Variants in PPL observed in about 807,000 individuals in gnomAD.
PPL encodes periplakin, also known as 190 kDa paraneoplastic pemphigus antigen.
PPL carries 198 observed loss-of-function variants against 194.4 expected under a neutral mutation model. The ratio of observed to expected loss-of-function variants is 1.02; its 90% CI spans 0.91 to 1.15. PPL has a LOEUF of 1.15. PPL is among the 50% of genes most tolerant of loss of function. The pLI, the probability that PPL is intolerant of heterozygous loss-of-function variation, is 0.00. For missense variants in PPL, 2,885 were observed against 2,294.8 expected (o/e 1.26, Z -5.25); for synonymous variants, 1,220 against 972.4 (o/e 1.25, Z -4.74).
chr16:4,890,813 G>T lies in PPL; in HGVS notation c.2077C>A (p.His693Asn). 1 of 1,594,052 alleles carries T rather than the reference G, an allele frequency of 6.3e-7. No homozygotes were observed. The highest frequency in any genetic ancestry group is 8.5e-7 in the Non-Finnish European group (1 of 1,170,568). Residue 693 changes from histidine to asparagine, a missense_variant, in exon 17 of 22, where the codon CAC becomes AAC. His to Asn is a moderately conservative substitution (Grantham distance 68, BLOSUM62 1). Transcript: ENST00000345988. ...TCCTGGCGCTCCAGGTCCGGACAGT[G>T]CTCCTGGAAGCGGCTGGCCAGTGTG... ...SSTLASRFQE[H>N]CPDLERQEAE...
rs2142316547 is a variant in PPL at position 4,883,086 on chromosome 16, A to G, written c.*298T>C. On this transcript the variant is annotated 3_prime_UTR_variant, in exon 22 of 22. Transcript: ENST00000345988. The surrounding 1 kb of genome is among the most constrained non-coding windows in gnomAD (Gnocchi z 4.8). ...AGTGGTTTTCAGATTGTGTGCAGTT[A>G]TCATGAGGAGTTTGTTGCTGGGAGT... 1 of 377,652 alleles carries G rather than the reference A, an allele frequency of 2.6e-6. No individual in the cohort carries two copies. Among genetic ancestry groups the G allele is most frequent in the Non-Finnish European group, 4.9e-6 (1 of 203,212 alleles). The allele number at this position is 377,652 out of a possible 1,614,324, so 23.4% of individuals were successfully genotyped here. A position where few individuals can be genotyped will look rare whatever the true frequency, so the allele number is the denominator to read the frequency against.
At chr16:4,895,215 C>A in intron 11 of PPL, 46 bp downstream of exon 11, 1 of 1,540,350 alleles carries the variant, frequency 6.5e-7, no homozygotes, top group South Asian at 1.2e-5. Context: ...CCATGTTACC[C>A]CAAAAACTTT....
rs144840652 is a variant in PPL at position 4,884,541 on chromosome 16, C to A, written c.4114G>T (p.Ala1372Ser). 6.1e-5 allele frequency: 99 copies of A among 1,613,186 alleles called. No homozygotes were observed. In the African/African-American group the frequency reaches 1.2e-3, roughly 19 times the overall value. Residue 1372 changes from alanine (A) to serine (S), a missense_variant, in exon 22 of 22, where the codon GCC becomes TCC. Physicochemically the swap from Ala to Ser is moderately conservative, Grantham distance 99. Transcript: ENST00000345988. The surrounding 1 kb of genome is among the most constrained non-coding windows in gnomAD (Gnocchi z 5.7). ...PGLRAEASAF[A>S]ESIDVELRQI... ...CGCAGCTCCACATCGATGCTCTCGG[C>A]AAAGGCGCTCGCCTCGGCCCGCAGG...
In PPL at chr16:4,895,266, C is replaced by T; in HGVS notation, c.1237G>A (p.Glu413Lys). 31 of 1,602,466 alleles carry T rather than the reference C, an allele frequency of 1.9e-5. No individual in the cohort carries two copies. Among genetic ancestry groups the T allele is most frequent in the Non-Finnish European group, 2.6e-5 (31 of 1,173,720 alleles). ...PVEALCDFEGEQGLISRGYSY... is the reference protein window; with the variant it reads ...PVEALCDFEGKQGLISRGYSY... ...GAGGAGCTGGCCCCACGCACCTGCT[C>T]CCCCTCAAAGTCACAGAGTGCCTCC... Residue 413 changes from glutamate to lysine, a missense_variant, in exon 11 of 22, where the codon GAG (glutamate) becomes AAG (lysine). Physicochemically the swap from Glu to Lys is moderately conservative, Grantham distance 56. Transcript: ENST00000345988.
chr16:4,895,233 T>C, intron 11 of PPL, 28 bp downstream of exon 11: 8 of 1,578,208 alleles, frequency 5.1e-6, no homozygotes, highest in Non-Finnish European at 6.9e-6. Flanking sequence ...TTTGTAGTGA[T>C]GTGAACAGAG....
chr16:4,895,550 TCCCCCGC>T, intron 10 of PPL, 37 bp downstream of exon 10: 1 of 1,611,640 alleles, frequency 6.2e-7, no homozygotes. Flanking sequence ...TGTAGAGGGG[TCCCCCGC>T]CCCCCGGGCC....
In PPL at chr16:4,902,141, G is replaced by GCC. The variant is rs1568018548; in HGVS notation, c.438+264_438+265insGG. Among the ~76,000 whole-genome samples the GCC allele has an allele frequency of 6.6e-6, 1 of 152,158 alleles. No individual in the cohort carries two copies. Among genetic ancestry groups the GCC allele is most frequent in the East Asian group, 1.9e-4 (1 of 5,188 alleles). ...CCAAGACCCCAACATGCCAGGGTTG[G>GCC]AAAGTGGGACCCAGGAGCAGCAGCG... On this transcript the variant is annotated intron_variant, in intron 4 of 21. Coordinates refer to ENST00000345988, the MANE Select transcript of PPL (RefSeq NM_002705.5). This position sits in a 1 kb window ranked among gnomAD's most constrained non-coding sequence, Gnocchi z 4.0.
intron 1 of PPL, among the ~76,000 whole-genome samples, chr16:4,911,898 G>A (rs540218996): frequency 5.3e-5 from 8 of 151,514 alleles, no homozygotes; most frequent in Non-Finnish European, 8.8e-5. Context: ...GTGCAGTGGC[G>A]TGATCATAGT....
intron 1 of PPL, among the ~76,000 whole-genome samples, chr16:4,918,469 G>A (rs956759617): frequency 2.6e-5 from 4 of 152,130 alleles, no homozygotes; most frequent in East Asian, 1.9e-4. Context: ...TGCCCACTGC[G>A]AAGCAAGTCA....
In PPL at chr16:4,901,067, A is replaced by G. The variant is rs560182159; in HGVS notation, c.461T>C (p.Phe154Ser). ...EKLDKLNNQS[F>S]GTDLPLVDHQ... ...GTCCACCAGCGGCAGGTCAGTCCCA[A>G]AGCTCTGGTTGTTCAGCTTGTCCTG... The change falls in exon 5 of 22, where the codon TTT becomes TCT. Residue 154 changes from phenylalanine to serine, a missense_variant. Phe to Ser is a radical substitution (Grantham distance 155, BLOSUM62 -2). Transcript: ENST00000345988. 5.6e-6 allele frequency: 9 copies of G among 1,614,122 alleles called. No homozygotes were observed. The South Asian group carries it at 6.6e-5, about 12-fold the overall frequency.
At chr16:4,886,240 G>C (rs999068950) in intron 21 of PPL, among the ~76,000 whole-genome samples, 193 bp from the exon 22 acceptor site, 20 of 152,216 alleles carry the variant, frequency 1.3e-4, no homozygotes, top group Admixed American at 1.0e-3. Context: ...TTTTAATCAG[G>C]TAAAACATTT....
rs201810376 is a variant in PPL, at chr16:4,897,719, T to G, written c.928A>C (p.Ile310Leu). ...ADWKEYLNLLICEESHLKYME... is the reference protein window; with the variant it reads ...ADWKEYLNLLLCEESHLKYME... ...TACTTGAGGTGGCTCTCCTCGCAGA[T>G]GAGCAGGTTCAGGTACTCCTTCCAG... is the stretch of plus-strand genomic sequence containing the variant. Residue 310 changes from isoleucine (I) to leucine (L), a missense_variant, in exon 9 of 22, where the codon ATC becomes CTC. Ile to Leu is a conservative substitution (Grantham distance 5). Coordinates refer to ENST00000345988, the MANE Select transcript of PPL (RefSeq NM_002705.5). The G allele has an allele frequency of 6.2e-7, 1 of 1,613,970 alleles. No homozygotes were observed. Among genetic ancestry groups the G allele is most frequent in the South Asian group, 1.1e-5 (1 of 91,064 alleles).
intron 1 of PPL, among the ~76,000 whole-genome samples, chr16:4,925,749 G>C (rs923167740): frequency 6.6e-6 from 1 of 152,144 alleles, no homozygotes; most frequent in African/African-American, 2.4e-5. Context: ...GTGGTGCCAA[G>C]ATTCGAACCC....
In PPL at chr16:4,884,125, GC is replaced by G. The variant is rs1567981260; in HGVS notation, c.4529del (p.Gly1510AlafsTer28). On this transcript the variant is annotated frameshift_variant, in exon 22 of 22. Transcript: ENST00000345988. LOFTEE classifies it high-confidence loss of function. The surrounding 1 kb of genome is among the most constrained non-coding windows in gnomAD (Gnocchi z 5.7). ...GCCTCTGGATCTCTTGCTCGGTGTC[GC>G]CCTTCTCCACCTGGACACTCTCGGA... ...VLSESVQVEK[G>X]DTEQEIQRLK... is the part of the protein sequence containing the mutation. The G allele has an allele frequency of 1.2e-6, 2 of 1,612,930 alleles. No individual in the cohort carries two copies.
chr16:4,885,693 C>G lies in PPL; in HGVS notation c.2962G>C (p.Gly988Arg), dbSNP rs200390221. The change falls in exon 22 of 22, where the codon GGG becomes CGG. Residue 988 changes from glycine to arginine, a missense_variant. Coordinates refer to ENST00000345988, the MANE Select transcript of PPL (RefSeq NM_002705.5). The surrounding 1 kb of genome is among the most constrained non-coding windows in gnomAD (Gnocchi z 6.3). Reference sequence around the variant, plus strand: ...TCCTTGACCACGTACTCCTGCCCCCCGTCTCTGGTCTCCTGCTCCAGGGCA... The same window carrying G: ...TCCTTGACCACGTACTCCTGCCCCCGGTCTCTGGTCTCCTGCTCCAGGGCA... ...LRALEQETRD[G>R]GQEYVVKEVL... The G allele has an allele frequency of 6.8e-6, 11 of 1,613,316 alleles. No individual in the cohort carries two copies. The highest frequency in any genetic ancestry group is 1.6e-4 in the Middle Eastern group (1 of 6,062).
At chr16:4,935,247 GAA>G (rs1485272172) in intron 1 of PPL, among the ~76,000 whole-genome samples, 1 of 152,174 alleles carries the variant, frequency 6.6e-6, no homozygotes, top group African/African-American at 2.4e-5. Context: ...GGGTTCATTA[GAA>G]CCTTTTGTTA....
At position 4,884,726 on chromosome 16, in the gene PPL, G is replaced by C. The variant is rs769412954; in HGVS notation, c.3929C>G (p.Ser1310Cys). The change falls in exon 22 of 22, where the codon TCT (serine) becomes TGT (cysteine). Residue 1310 changes from serine to cysteine, a missense_variant. By Grantham distance (112) the Ser-to-Cys change is moderately radical (BLOSUM62 -1). Coordinates refer to ENST00000345988, the MANE Select transcript of PPL (RefSeq NM_002705.5). The surrounding 1 kb of genome is among the most constrained non-coding windows in gnomAD (Gnocchi z 5.7). The part of the protein sequence containing the change: ...EDPQTKEEVA[S>C]LRAKLSEEQK... ...CTCCTCTGAGAGCTTTGCCCTCAGA[G>C]ACGCCACCTCCTCCTTGGTTTGAGG... 6.2e-7 allele frequency: 1 copy of C among 1,614,160 alleles called. No homozygotes were observed. The highest frequency in any genetic ancestry group is 2.2e-5 in the East Asian group (1 of 44,874).
At chr16:4,898,836 CG>C (rs1568011257) in intron 8 of PPL, among the ~76,000 whole-genome samples, 176 bp downstream of exon 8, 1 of 152,202 alleles carries the variant, frequency 6.6e-6, no homozygotes, top group East Asian at 1.9e-4. Flanking sequence ...GAAGTGTCAA[CG>C]GATCAGGATA....
chr16:4,929,284 G>C (rs1055585436), intron 1 of PPL, among the ~76,000 whole-genome samples: 2 of 151,892 alleles, frequency 1.3e-5, no homozygotes, highest in African/African-American at 4.8e-5. Flanking sequence ...CTGCCTGCTT[G>C]CCTTCCAGGA....
Sources: gnomAD v4.1 joint callset for allele counts (sites outside exome capture counted in the v4.1 genomes callset) on GRCh38, gnomAD v4.1.1 for gene constraint, Gnocchi (gnomAD v3.1) non-coding constraint, MANE v1.5 for transcripts, NCBI Gene and HGNC (gene_info 2026-07-23, HGNC 2026-07-21) for gene names.